Variants in LMO7 observed in about 807,000 individuals in gnomAD.
The protein encoded by LMO7 is LIM domain 7.
Under a neutral mutation model 206.5 loss-of-function variants are expected in LMO7, and 120 were observed. That is an observed-to-expected ratio of 0.58 (90% CI 0.50 to 0.68). The LOEUF (loss-of-function observed/expected upper bound fraction) is 0.68, where lower values mean the gene tolerates loss of function less well. LMO7 is among the 30% of genes least tolerant of loss of function. The pLI, the probability that LMO7 is intolerant of heterozygous loss-of-function variation, is 0.00. For synonymous variants in LMO7, 706 were observed against 681.5 expected (o/e 1.04, Z -0.56); for missense variants, 1,959 against 1,957.9 (o/e 1.00, Z -0.01).
At chr13:75,833,989 A>T (rs920320375) in intron 16 of LMO7, among the ~76,000 whole-genome samples, 2 of 152,132 alleles carry the variant, frequency 1.3e-5, no homozygotes, top group Non-Finnish European at 2.9e-5. Context: ...TATTGAATAG[A>T]TGAGTTTATC....
intron 4 of LMO7, among the ~76,000 whole-genome samples, chr13:75,784,047 C>T (rs1287722334): frequency 6.6e-6 from 1 of 152,050 alleles, no homozygotes; most frequent in African/African-American, 2.4e-5. Flanking sequence ...CCCTTGGCCC[C>T]ATGACATTTG....
At chr13:75,782,185 T>C (rs1594946483) in intron 4 of LMO7, among the ~76,000 whole-genome samples, 1 of 152,354 alleles carries the variant, frequency 6.6e-6, no homozygotes. Context: ...AAAAGTTTCA[T>C]GTGAAAATTT....
chr13:75,817,026 T>C, intron 11 of LMO7, 135 bp from the exon 12 acceptor site: 1 of 613,526 alleles, frequency 1.6e-6, no homozygotes, highest in Non-Finnish European at 2.9e-6. Context: ...TCTGTAGTGC[T>C]ACTTCTGTGA....
chr13:75,642,813 A>C (rs2036669410), intron 1 of LMO7, among the ~76,000 whole-genome samples: 1 of 152,144 alleles, frequency 6.6e-6, no homozygotes, highest in African/African-American at 2.4e-5. Context: ...TTTCCCTCTA[A>C]ATGAACAGAT....
In LMO7 at chr13:75,625,602, G is replaced by T. The variant is rs549653221; in HGVS notation, c.225+2282G>T. Among the ~76,000 whole-genome samples, 59 of 152,288 alleles carry T rather than the reference G, an allele frequency of 3.9e-4. 1 individual carries two copies. Among genetic ancestry groups the T allele is most frequent in the South Asian group, 3.1e-3 (15 of 4,832 alleles). On this transcript the variant is annotated intron_variant, in intron 2 of 29. Coordinates refer to the LMO7 transcript ENST00000341547. ...GACAAAGCCTTAGGGTCACAGATTT[G>T]CTTTTTTGGAATTTCAGTTACGTGA...
intron 3 of LMO7, among the ~76,000 whole-genome samples, chr13:75,752,584 C>G (rs1476195331): frequency 2.6e-5 from 4 of 152,314 alleles, no homozygotes; most frequent in African/African-American, 7.2e-5. Flanking sequence ...TCATCCACCC[C>G]CTTCCCATCC....
At chr13:75,816,466 A>T (rs1166343789) in intron 11 of LMO7, among the ~76,000 whole-genome samples, 1 of 151,908 alleles carries the variant, frequency 6.6e-6, no homozygotes, top group African/African-American at 2.4e-5. Flanking sequence ...CCAACACCCC[A>T]CTCTGTTCAT....
intron 1 of LMO7, among the ~76,000 whole-genome samples, chr13:75,699,403 GA>G (rs1263974145): frequency 1.7e-5 from 2 of 115,346 alleles, no homozygotes; most frequent in African/African-American, 8.2e-5. Context: ...CAAGATAGAA[GA>G]TTTTTTTTTT....
intron 3 of LMO7, among the ~76,000 whole-genome samples, chr13:75,753,743 T>C (rs1398981457): frequency 6.6e-6 from 1 of 152,202 alleles, no homozygotes; most frequent in Non-Finnish European, 1.5e-5. Flanking sequence ...TCCACAATGA[T>C]TTTAAGTTTC....
chr13:75,858,096 T>TA lies in LMO7; in HGVS notation c.*154dup. Reference sequence around the variant, plus strand: ...CTCTTTAGATTACATAGAAGCATTGTAGTCTTGGTAGAACCAGTATTTTTG... The same window carrying TA: ...CTCTTTAGATTACATAGAAGCATTGTAAGTCTTGGTAGAACCAGTATTTTTG... On this transcript the variant is annotated 3_prime_UTR_variant, in exon 31 of 31. Coordinates refer to ENST00000377534, the MANE Select transcript of LMO7 (RefSeq NM_001306080.2). 1 of 699,334 alleles carries TA rather than the reference T, an allele frequency of 1.4e-6. No individual in the cohort carries two copies. Among genetic ancestry groups the TA allele is most frequent in the Non-Finnish European group, 2.3e-6 (1 of 436,972 alleles). The allele number at this position is 699,334 out of a possible 1,614,324, so 43.3% of individuals were successfully genotyped here. A position where few individuals can be genotyped will look rare whatever the true frequency, so the allele number is the denominator to read the frequency against.
chr13:75,841,266 A>G (rs1215809375), intron 23 of LMO7, 65 bp downstream of exon 23: 1 of 1,021,862 alleles, frequency 9.8e-7, no homozygotes, highest in African/African-American at 1.6e-5. Flanking sequence ...TTAGCTGAGA[A>G]TCAGGAGACA....
chr13:75,695,648 A>T (rs1483260669), intron 1 of LMO7, among the ~76,000 whole-genome samples: 1 of 152,092 alleles, frequency 6.6e-6, no homozygotes, highest in African/African-American at 2.4e-5. Flanking sequence ...CCTGGCCTGG[A>T]ATGTTTTTAA....
intron 21 of LMO7, 126 bp from the exon 22 acceptor site, chr13:75,840,265 C>A: frequency 1.5e-6 from 2 of 1,368,234 alleles, no homozygotes; most frequent in Non-Finnish European, 2.1e-6. Context: ...TCAAAGCCAG[C>A]TCTCCCTTGG....
intron 9 of LMO7, chr13:75,806,074 T>C (rs1397511655): frequency 9.1e-7 from 1 of 1,101,418 alleles, no homozygotes; most frequent in Non-Finnish European, 1.1e-6. Flanking sequence ...GAATTCAGAC[T>C]CTGAGGATGA....
At chr13:75,812,068 AAT>A (rs1566519991) in intron 11 of LMO7, among the ~76,000 whole-genome samples, 1 of 152,190 alleles carries the variant, frequency 6.6e-6, no homozygotes, top group Non-Finnish European at 1.5e-5. Context: ...GACATTTGGC[AAT>A]GTCTGGAGGC....
rs2059569297 is a variant in LMO7, at chr13:75,841,744, A to G, written c.3792A>G (p.Arg1264=). The G allele has an allele frequency of 6.2e-7, 1 of 1,614,006 alleles. No homozygotes were observed. Among genetic ancestry groups the G allele is most frequent in the Non-Finnish European group, 8.5e-7 (1 of 1,180,014 alleles). Residue 1264 remains arginine (R), a synonymous_variant, in exon 24 of 31, where the codon CGA becomes CGG. Transcript: ENST00000377534. ...AGTCTTCAGACAGAGAAGGAACCCG[A>G]GCAGGAGAAGAGGAGAGGAGACAGC... ...GSKSSDREGT[R]AGEEERRQPQ...
chr13:75,662,096 C>T (rs2038663781), intron 1 of LMO7, among the ~76,000 whole-genome samples: 2 of 152,116 alleles, frequency 1.3e-5, no homozygotes, highest in Admixed American at 1.3e-4. Context: ...ATATGTTAAA[C>T]TTTATGGATC....
Position 75,853,189 on chromosome 13 carries a change from G to C in LMO7, c.4462G>C (p.Val1488Leu), listed in dbSNP as rs752841420. The C allele has an allele frequency of 1.2e-6, 2 of 1,614,096 alleles. No homozygotes were observed. The highest frequency in any genetic ancestry group is 4.5e-5 in the East Asian group (2 of 44,872). The part of the protein sequence containing the change: ...QPTGFYASSS[V>L]QDFSRPPPQL... The stretch of plus-strand genomic sequence containing the variant: ...CACAGGATTCTATGCTTCTTCCTCT[G>C]TGCAAGACTTTAGTCGCCCACCACC... Residue 1488 changes from valine (V) to leucine (L), a missense_variant, in exon 28 of 31, where the codon GTG becomes CTG. Physicochemically the swap from Val to Leu is conservative, Grantham distance 32 (BLOSUM62 1). Transcript: ENST00000377534.
intron 4 of LMO7, among the ~76,000 whole-genome samples, chr13:75,795,157 A>T (rs1164027727): frequency 6.6e-6 from 1 of 152,208 alleles, no homozygotes; most frequent in African/African-American, 2.4e-5. Flanking sequence ...TGCTTTTTAT[A>T]GAAAACTGAC....
Sources: allele counts gnomAD v4.1 joint callset (sites outside exome capture counted in the v4.1 genomes callset), GRCh38; gene constraint gnomAD v4.1.1; transcripts MANE v1.5; gene names NCBI Gene and HGNC (gene_info 2026-07-23, HGNC 2026-07-21).